Variants in PLXNC1 observed in about 807,000 individuals in gnomAD.
PLXNC1 encodes the protein plexin C1.
A neutral mutation model predicts 178.2 loss-of-function variants in PLXNC1; 75 were observed. That is an observed-to-expected ratio of 0.42 (90% CI 0.35 to 0.51). The LOEUF (loss-of-function observed/expected upper bound fraction) is 0.51. Among genes scored for constraint, PLXNC1 ranks in the 20% least tolerant of loss-of-function variants. The pLI, the probability that PLXNC1 is intolerant of heterozygous loss-of-function variation, is 0.02. For missense variants in PLXNC1, 1,503 were observed against 1,984.4 expected, an observed-to-expected ratio of 0.76 and a Z score of 4.61; for synonymous variants, 790 against 779.9, an observed-to-expected ratio of 1.01 and a Z score of -0.22.
intron 1 of PLXNC1, among the ~76,000 whole-genome samples, chr12:94,160,614 G>C (rs1592720123): frequency 6.6e-6 from 1 of 152,164 alleles, no homozygotes; most frequent in South Asian, 2.1e-4. Context: ...AGGCAATAGA[G>C]GGGGGAATAG....
intron 4 of PLXNC1, among the ~76,000 whole-genome samples, chr12:94,202,154 C>T (rs1002812492): frequency 2.6e-5 from 4 of 152,140 alleles, no homozygotes; most frequent in African/African-American, 9.7e-5. Context: ...AAGTGGGTTC[C>T]TTTCTACTAT....
chr12:94,195,181 G>A (rs868494506), intron 4 of PLXNC1, among the ~76,000 whole-genome samples: 1 of 152,076 alleles, frequency 6.6e-6, no homozygotes, highest in Admixed American at 6.6e-5. Flanking sequence ...GCCTTCCAGC[G>A]CCATATTTGT....
chr12:94,265,375 CTG>C (rs1965178510), intron 21 of PLXNC1, 150 bp downstream of exon 21: 2 of 638,344 alleles, frequency 3.1e-6, no homozygotes, highest in Admixed American at 2.7e-5. Flanking sequence ...GTTGATAAAA[CTG>C]TTAACACGTG....
intron 24 of PLXNC1, among the ~76,000 whole-genome samples, chr12:94,296,858 A>T (rs927531103): frequency 6.6e-6 from 1 of 152,150 alleles, no homozygotes; most frequent in Non-Finnish European, 1.5e-5. Flanking sequence ...GGTCTTATTC[A>T]TTGCTATATG....
At position 94,297,207 on chromosome 12, in the gene PLXNC1, A is replaced by G; in HGVS notation, c.3953A>G (p.Asp1318Gly). ...NFTSDVEYSD[D>G]HCHLILPDSE... Reference sequence around the variant, plus strand: ...CATTCAGATGTGGAGTACTCGGATGACCACTGCCATTTGGTGAGTTCAGGC... The same window carrying G: ...CATTCAGATGTGGAGTACTCGGATGGCCACTGCCATTTGGTGAGTTCAGGC... The change falls in exon 25 of 31, where the codon GAC (aspartate) becomes GGC (glycine). Residue 1318 changes from aspartate to glycine, a missense_variant. By Grantham distance (94) the Asp-to-Gly change is moderately conservative. This residue lies in a region of PLXNC1 where 639 missense variants were observed against 979.7 expected (regional missense o/e 0.65). Coordinates refer to ENST00000258526, the MANE Select transcript of PLXNC1 (RefSeq NM_005761.3). The G allele has an allele frequency of 5.6e-6, 9 of 1,614,038 alleles. No individual in the cohort carries two copies. The highest frequency in any genetic ancestry group is 7.6e-6 in the Non-Finnish European group (9 of 1,179,976).
chr12:94,238,474 G>T, intron 10 of PLXNC1, among the ~76,000 whole-genome samples: 1 of 138,238 alleles, frequency 7.2e-6, no homozygotes. Flanking sequence ...TGTGCAAATG[G>T]TTACTCCCCC....
chr12:94,300,894 TTC>T lies in PLXNC1; in HGVS notation c.4239-10_4239-9del. The T allele has an allele frequency of 6.2e-7, 1 of 1,604,100 alleles. No homozygotes were observed. The highest frequency in any genetic ancestry group is 8.5e-7 in the Non-Finnish European group (1 of 1,172,818). On this transcript the variant is annotated splice_polypyrimidine_tract_variant and intron_variant, in intron 27 of 30. Coordinates refer to ENST00000258526, the MANE Select transcript of PLXNC1 (RefSeq NM_005761.3). Reference sequence around the variant, plus strand: ...AATGGCCCTATTTGAAAAGAGATTATTCTCTCTTTGAACAGCCTTCCTCTTCG... The same window carrying T: ...AATGGCCCTATTTGAAAAGAGATTATTCTCTTTGAACAGCCTTCCTCTTCG...
intron 24 of PLXNC1, among the ~76,000 whole-genome samples, chr12:94,295,247 C>T (rs1287038085): frequency 6.6e-6 from 1 of 152,188 alleles, no homozygotes; most frequent in African/African-American, 2.4e-5. Context: ...TTAGAAGGAG[C>T]AGGGAGCATC....
Position 94,224,352 on chromosome 12 carries a change from G to C in PLXNC1, c.1790+37G>C, listed in dbSNP as rs182185917. 6 of 1,096,150 alleles carry C rather than the reference G, an allele frequency of 5.5e-6. No individual in the cohort carries two copies. The Admixed American group carries it at 1.0e-4, about 18-fold the overall frequency. 67.9% of individuals were successfully genotyped at this position (1,096,150 alleles called of 1,614,324 possible). A position where few individuals can be genotyped will look rare whatever the true frequency, so the allele number is the denominator to read the frequency against. ...TTTGAAATTTGAATATTCTCTCGTT[G>C]ATCTTAATTTACTTATTTGTTTGAC... On this transcript the variant is annotated intron_variant, in intron 7 of 30. Transcript: ENST00000258526.
intron 1 of PLXNC1, among the ~76,000 whole-genome samples, chr12:94,152,807 C>T (rs561306491): frequency 6.6e-6 from 1 of 152,288 alleles, no homozygotes; most frequent in Admixed American, 6.5e-5. Flanking sequence ...TGTATTTTCC[C>T]ACTTTCTGGT....
intron 12 of PLXNC1, 25 bp from the exon 13 acceptor site, chr12:94,247,878 A>C: frequency 1.2e-6 from 2 of 1,606,698 alleles, no homozygotes; most frequent in Non-Finnish European, 1.7e-6. Flanking sequence ...CAAAGTTACT[A>C]AAACATTCTT....
chr12:94,264,160 A>C (rs1388778061), intron 20 of PLXNC1, among the ~76,000 whole-genome samples: 1 of 151,930 alleles, frequency 6.6e-6, no homozygotes, highest in East Asian at 1.9e-4. Flanking sequence ...TTTAGCAAAT[A>C]CTCTACAGCT....
chr12:94,290,859 G>C lies in PLXNC1; in HGVS notation c.3880-3627G>C, dbSNP rs532836878. Among the ~76,000 whole-genome samples, 5 of 152,374 alleles carry C rather than the reference G, an allele frequency of 3.3e-5. No individual in the cohort carries two copies. In the South Asian group the frequency reaches 1.0e-3, roughly 32 times the overall value. On this transcript the variant is annotated intron_variant, in intron 23 of 30. Coordinates refer to ENST00000258526, the MANE Select transcript of PLXNC1 (RefSeq NM_005761.3). ...AAAGTCACTTAGCTGATAAGGTTCA[G>C]AAGTGACAGGGTCAGTCCTCCAGAA...
intron 23 of PLXNC1, among the ~76,000 whole-genome samples, chr12:94,285,966 C>T (rs764804885): frequency 6.6e-6 from 1 of 152,096 alleles, no homozygotes; most frequent in Non-Finnish European, 1.5e-5. Context: ...TACCCACTGC[C>T]ATTAATAGGA....
intron 21 of PLXNC1, among the ~76,000 whole-genome samples, chr12:94,267,235 C>A (rs888533347): frequency 6.6e-6 from 1 of 152,184 alleles, no homozygotes; most frequent in Non-Finnish European, 1.5e-5. Context: ...ACAGGAAAGA[C>A]AGGAAAGGAG....
chr12:94,245,809 G>A (rs758257333), intron 12 of PLXNC1, among the ~76,000 whole-genome samples: 127 of 152,230 alleles, frequency 8.3e-4, no homozygotes, highest in South Asian at 1.5e-3. Context: ...GACCAAGAGC[G>A]ATAGCTGTAA....
chr12:94,230,619 G>A (rs1012856394), intron 9 of PLXNC1, among the ~76,000 whole-genome samples: 1 of 152,202 alleles, frequency 6.6e-6, no homozygotes, highest in Non-Finnish European at 1.5e-5. Flanking sequence ...TTTGTCACAG[G>A]AGGGATTTCT....
intron 12 of PLXNC1, among the ~76,000 whole-genome samples, chr12:94,247,081 TTA>T (rs1327032724): frequency 6.6e-6 from 1 of 152,100 alleles, no homozygotes; most frequent in African/African-American, 2.4e-5. Flanking sequence ...ATTTTATTTT[TTA>T]TATATATAGA....
At chr12:94,150,055 C>A (rs986276124) in intron 1 of PLXNC1, 22 bp downstream of exon 1, 1 of 1,532,414 alleles carries the variant, frequency 6.5e-7, no homozygotes, top group Non-Finnish European at 8.8e-7. Flanking sequence ...CCCCGGGGCG[C>A]CGCGGAGAGC....
Sources: gnomAD v4.1 joint callset for allele counts (sites outside exome capture counted in the v4.1 genomes callset) on GRCh38, gnomAD v4.1.1 for gene constraint, gnomAD v4.1.1 regional missense constraint, MANE v1.5 for transcripts, NCBI Gene and HGNC (gene_info 2026-07-23, HGNC 2026-07-21) for gene names.